PPFIA4: variants seen among roughly 807,000 people sequenced by gnomAD.
PPFIA4 encodes the protein PPFI scaffold protein A4, also known as liprin-alpha-4.
Under a neutral mutation model 145.7 loss-of-function variants are expected in PPFIA4, and 98 were observed. The ratio of observed to expected loss-of-function variants is 0.67; its 90% CI spans 0.57 to 0.80. The LOEUF is 0.80. Among genes scored for constraint, PPFIA4 ranks in the 30% least tolerant of loss-of-function variants. The probability of loss-of-function intolerance (pLI) is 0.00; values close to 1 mark genes in which losing one functional copy is unlikely to be tolerated. For synonymous variants in PPFIA4, 628 were observed against 649.6 expected, an observed-to-expected ratio of 0.97 and a Z score of 0.51; for missense variants, 1,457 against 1,632.7, an observed-to-expected ratio of 0.89 and a Z score of 1.85.
chr1:203,075,677 C>T lies in PPFIA4; in HGVS notation c.3494C>T (p.Thr1165Ile). Reference sequence around the variant, plus strand: ...GGCATGCTCAGCGCTTCCGCGGAGACCCTCCCGGCGGGCTTCCGTGTGTCC... The same window carrying T: ...GGCATGCTCAGCGCTTCCGCGGAGATCCTCCCGGCGGGCTTCCGTGTGTCC... Reference protein sequence around the residue: ...RGGMLSASAETLPAGFRVSTL... With the variant: ...RGGMLSASAEILPAGFRVSTL... The change falls in exon 29 of 30, where the codon ACC (threonine) becomes ATC (isoleucine). Residue 1165 changes from threonine to isoleucine, a missense_variant. Coordinates refer to ENST00000295706, the MANE Select transcript of PPFIA4 (RefSeq NM_001304331.2). This position sits in a 1 kb window ranked among gnomAD's most constrained non-coding sequence, Gnocchi z 4.1. The T allele has an allele frequency of 6.7e-7, 1 of 1,499,404 alleles. No homozygotes were observed. Among genetic ancestry groups the T allele is most frequent in the Non-Finnish European group, 8.9e-7 (1 of 1,122,586 alleles). 92.9% of individuals were successfully genotyped at this position (1,499,404 alleles called of 1,614,324 possible).
Position 203,048,287 on chromosome 1 carries a change from G to A in PPFIA4, c.1201G>A (p.Glu401Lys). Residue 401 changes from glutamate to lysine, a missense_variant, in exon 10 of 30, where the codon GAG (glutamate) becomes AAG (lysine). Transcript: ENST00000295706. This position sits in a 1 kb window ranked among gnomAD's most constrained non-coding sequence, Gnocchi z 5.8. Reference protein sequence around the residue: ...HLRQLEGQLEEKNQELARVRQ... With the variant: ...HLRQLEGQLEKKNQELARVRQ... ...GCGGCAGCTGGAGGGACAGCTGGAGGAGAAGAACCAGGAGCTGGCACGGGT... is the reference window on the plus strand; with the variant it reads ...GCGGCAGCTGGAGGGACAGCTGGAGAAGAAGAACCAGGAGCTGGCACGGGT... The A allele has an allele frequency of 6.2e-7, 1 of 1,612,802 alleles. No homozygotes were observed. The highest frequency in any genetic ancestry group is 8.5e-7 in the Non-Finnish European group (1 of 1,179,866).
In PPFIA4 at chr1:203,039,035, T is replaced by C. The variant is rs1287215900; in HGVS notation, c.27T>C (p.Asn9=). 1 of 1,563,336 alleles carries C rather than the reference T, an allele frequency of 6.4e-7. No individual in the cohort carries two copies. Among genetic ancestry groups the C allele is most frequent in the Admixed American group, 2.1e-5 (1 of 47,244 alleles). ...TGTGTGAGGTGATGCCCACAATCAA[T>C]GAGGGGGACCGCCTGGGTCCCCCTC... MCEVMPTI[N]EGDRLGPPHG... Residue 9 remains asparagine, a synonymous_variant, in exon 2 of 30, where the codon AAT becomes AAC. Transcript: ENST00000295706.
At chr1:203,051,163 A>G (rs1660476342) in intron 13 of PPFIA4, 1 of 985,272 alleles carries the variant, frequency 1.0e-6, no homozygotes, top group Non-Finnish European at 1.2e-6. Flanking sequence ...CAGGGTTGGA[A>G]TAGACTCTTG....
chr1:203,055,335 T>C lies in PPFIA4; in HGVS notation c.1830-97T>C. On this transcript the variant is annotated intron_variant, in intron 15 of 29. Coordinates refer to ENST00000295706, the MANE Select transcript of PPFIA4 (RefSeq NM_001304331.2). This position sits in a 1 kb window ranked among gnomAD's most constrained non-coding sequence, Gnocchi z 4.8. ...CAAAGCCTGGCGGGTGTACACCGCA[T>C]GTGGTCCTTGGTGGCGAGTGCAGGC... 2.0e-6 allele frequency: 3 copies of C among 1,515,666 alleles called. No individual in the cohort carries two copies. The highest frequency in any genetic ancestry group is 2.7e-6 in the Non-Finnish European group (3 of 1,099,640). The allele number at this position is 1,515,666 out of a possible 1,614,324, so 93.9% of individuals were successfully genotyped here.
chr1:203,063,892 T>G lies in PPFIA4; in HGVS notation c.2939T>G (p.Leu980Arg), dbSNP rs749821789. The stretch of plus-strand genomic sequence containing the variant: ...AATGAATGGCTACCCAGCCTGGGGC[T>G]CCCGCAGTACCGCAGCTACTTCATG... ...IGNEWLPSLG[L>R]PQYRSYFMEC... The change falls in exon 25 of 30, where the codon CTC (leucine) becomes CGC (arginine). Residue 980 changes from leucine to arginine, a missense_variant. Transcript: ENST00000295706. 1 of 1,614,008 alleles carries G rather than the reference T, an allele frequency of 6.2e-7. No homozygotes were observed. The highest frequency in any genetic ancestry group is 1.7e-5 in the Admixed American group (1 of 60,026).
At chr1:203,070,174 A>G (rs1483617863) in intron 27 of PPFIA4, among the ~76,000 whole-genome samples, 1 of 152,190 alleles carries the variant, frequency 6.6e-6, no homozygotes, top group Non-Finnish European at 1.5e-5. Context: ...TGTAAATAGT[A>G]GCAGGGACAC....
Position 203,055,656 on chromosome 1 carries a change from T to C in PPFIA4, c.2054T>C (p.Met685Thr). The C allele has an allele frequency of 6.2e-7, 1 of 1,613,896 alleles. No homozygotes were observed. Among genetic ancestry groups the C allele is most frequent in the South Asian group, 1.1e-5 (1 of 91,072 alleles). ...AGTGCTGCCCAGGACCTGGACCGAA[T>C]GGGGGTCATGACCCTGGTGAGAGGC... The part of the protein sequence containing the change: ...SRSAAQDLDR[M>T]GVMTLPSDLR... Residue 685 changes from methionine to threonine, a missense_variant, in exon 16 of 30, where the codon ATG becomes ACG. By Grantham distance (81) the Met-to-Thr change is moderately conservative. Coordinates refer to ENST00000295706, the MANE Select transcript of PPFIA4 (RefSeq NM_001304331.2). The surrounding 1 kb of genome is among the most constrained non-coding windows in gnomAD (Gnocchi z 4.8).
intron 13 of PPFIA4, 71 bp downstream of exon 13, chr1:203,049,838 C>CCT: frequency 1.5e-6 from 2 of 1,312,344 alleles, no homozygotes; most frequent in Non-Finnish European, 2.0e-6. Context: ...AGACTTCCTT[C>CCT]CAACAAAAGA....
chr1:203,067,421 G>A (rs1019868521), intron 25 of PPFIA4: 3 of 429,306 alleles, frequency 7.0e-6, no homozygotes, highest in East Asian at 8.1e-5. Flanking sequence ...AGAGGGACAT[G>A]TTGGATTCAT....
Position 203,060,404 on chromosome 1 carries a change from C to G in PPFIA4, c.2771C>G (p.Pro924Arg). ...TCATTGACCAGCCCCTCTGCCCCAC[C>G]CACCTCCAGGACTGTGAGTGGCCCC... ...MVSLTSPSAP[P>R]TSRTSSGNVW... is the part of the protein sequence containing the mutation. The change falls in exon 22 of 30, where the codon CCC becomes CGC. Residue 924 changes from proline to arginine, a missense_variant. By Grantham distance (103) the Pro-to-Arg change is moderately radical (BLOSUM62 -2). Transcript: ENST00000295706. The surrounding 1 kb of genome is among the most constrained non-coding windows in gnomAD (Gnocchi z 4.8). 1.2e-6 allele frequency: 2 copies of G among 1,613,430 alleles called. No homozygotes were observed. Among genetic ancestry groups the G allele is most frequent in the Non-Finnish European group, 1.7e-6 (2 of 1,179,886 alleles).
At chr1:203,040,131 G>A (rs1172890988) in intron 2 of PPFIA4, among the ~76,000 whole-genome samples, 1 of 152,252 alleles carries the variant, frequency 6.6e-6, no homozygotes, top group Non-Finnish European at 1.5e-5. Flanking sequence ...GCTGCTGCTT[G>A]TCAAAGAAGC....
intron 24 of PPFIA4, 30 bp downstream of exon 24, chr1:203,061,708 C>G (rs1661374053): frequency 1.3e-6 from 2 of 1,553,926 alleles, no homozygotes; most frequent in African/African-American, 2.7e-5. Context: ...CTAGAACCAG[C>G]TCCCAAAACT....
intron 13 of PPFIA4, 178 bp from the exon 14 acceptor site, chr1:203,051,591 G>A: frequency 8.4e-7 from 1 of 1,195,922 alleles, no homozygotes; most frequent in Non-Finnish European, 1.1e-6. Context: ...GAGCACCAGG[G>A]CATACGTCTG....
At position 203,074,063 on chromosome 1, in the gene PPFIA4, G is replaced by A. The variant is rs558372153; in HGVS notation, c.3394-1514G>A. Among the ~76,000 whole-genome samples, 5 of 152,282 alleles carry A rather than the reference G, an allele frequency of 3.3e-5. No homozygotes were observed. The South Asian group carries it at 8.3e-4, about 25-fold the overall frequency. On this transcript the variant is annotated intron_variant, in intron 28 of 29. Coordinates refer to ENST00000295706, the MANE Select transcript of PPFIA4 (RefSeq NM_001304331.2). ...GCCCCATGGAGCATAGAATTTGAGA[G>A]AAAGAGCGAGAAAGAAAGTGAAAGG... is the stretch of plus-strand genomic sequence containing the variant.
rs1661896731 is a variant in PPFIA4 at position 203,068,559 on chromosome 1, G to A, written c.3255G>A (p.Leu1085=). The part of the protein sequence containing the change: ...LHESGVHGAL[L]ALDENFDHNT... ...AGAGTGGTGTGCATGGAGCCTTGCT[G>A]GCCCTGGACGAGAACTTCGACCACA... Residue 1085 remains leucine, a synonymous_variant, in exon 27 of 30, where the codon CTG becomes CTA. Coordinates refer to ENST00000295706, the MANE Select transcript of PPFIA4 (RefSeq NM_001304331.2). The surrounding 1 kb of genome is among the most constrained non-coding windows in gnomAD (Gnocchi z 4.7). 2 of 1,602,406 alleles carry A rather than the reference G, an allele frequency of 1.2e-6. No homozygotes were observed. Among genetic ancestry groups the A allele is most frequent in the Non-Finnish European group, 1.7e-6 (2 of 1,174,814 alleles).
rs1411663141 is a variant in PPFIA4 at position 203,060,406 on chromosome 1, A to G, written c.2773A>G (p.Thr925Ala). The change falls in exon 22 of 30, where the codon ACC becomes GCC. Residue 925 changes from threonine to alanine, a missense_variant. Physicochemically the swap from Thr to Ala is moderately conservative, Grantham distance 58. This residue lies in a region of PPFIA4 where 848 missense variants were observed against 1,046.7 expected (regional missense o/e 0.81). Coordinates refer to ENST00000295706, the MANE Select transcript of PPFIA4 (RefSeq NM_001304331.2). The surrounding 1 kb of genome is among the most constrained non-coding windows in gnomAD (Gnocchi z 4.8). ...ATTGACCAGCCCCTCTGCCCCACCC[A>G]CCTCCAGGACTGTGAGTGGCCCCTC... ...VSLTSPSAPPTSRTSSGNVWV... is the reference protein window; with the variant it reads ...VSLTSPSAPPASRTSSGNVWV... The G allele has an allele frequency of 6.2e-7, 1 of 1,612,612 alleles. No homozygotes were observed. Among genetic ancestry groups the G allele is most frequent in the Non-Finnish European group, 8.5e-7 (1 of 1,179,734 alleles).
At position 203,068,328 on chromosome 1, in the gene PPFIA4, G is replaced by T; in HGVS notation, c.3149-125G>T. On this transcript the variant is annotated intron_variant, in intron 26 of 29. Transcript: ENST00000295706. This position sits in a 1 kb window ranked among gnomAD's most constrained non-coding sequence, Gnocchi z 4.7. Reference sequence around the variant, plus strand: ...AAAGAAGATATGGAAATTTAGGGATGGAGTGGGGGTCAGAGAGCAGGGTGG... The same window carrying T: ...AAAGAAGATATGGAAATTTAGGGATTGAGTGGGGGTCAGAGAGCAGGGTGG... The T allele has an allele frequency of 1.2e-6, 1 of 801,892 alleles. No homozygotes were observed. Among genetic ancestry groups the T allele is most frequent in the Admixed American group, 3.8e-5 (1 of 26,666 alleles). 49.7% of individuals were successfully genotyped at this position (801,892 alleles called of 1,614,324 possible). A position where few individuals can be genotyped will look rare whatever the true frequency, so the allele number is the denominator to read the frequency against.
chr1:203,074,702 A>C (rs1662399783), intron 28 of PPFIA4, among the ~76,000 whole-genome samples: 3 of 151,954 alleles, frequency 2.0e-5, no homozygotes, highest in African/African-American at 7.3e-5. Flanking sequence ...CATGGGGTGG[A>C]GGGAGATTGG....
chr1:203,060,671 C>T lies in PPFIA4; in HGVS notation c.2784+254C>T, dbSNP rs187593504. Among the ~76,000 whole-genome samples the T allele has an allele frequency of 8.4e-4, 128 of 152,302 alleles. 2 individuals carry two copies. The highest frequency in any genetic ancestry group is 4.8e-3 in the South Asian group (23 of 4,830). ...CATCCCTACTCTGCCAAAATTTCCA[C>T]GTCTCTGGGCAGTTTCCAGGATGGG... On this transcript the variant is annotated intron_variant, in intron 22 of 29. Coordinates refer to ENST00000295706, the MANE Select transcript of PPFIA4 (RefSeq NM_001304331.2). The surrounding 1 kb of genome is among the most constrained non-coding windows in gnomAD (Gnocchi z 4.8).
Sources: gnomAD v4.1 joint callset for allele counts (sites outside exome capture counted in the v4.1 genomes callset) on GRCh38, gnomAD v4.1.1 for gene constraint, gnomAD v4.1.1 regional missense constraint, Gnocchi (gnomAD v3.1) non-coding constraint, MANE v1.5 for transcripts, NCBI Gene and HGNC (gene_info 2026-07-23, HGNC 2026-07-21) for gene names.